RYR2: variants seen among roughly 807,000 people sequenced by gnomAD.
RYR2 encodes ryanodine receptor 2, also known as cardiac muscle ryanodine receptor-calcium release channel.
RYR2 carries 227 observed loss-of-function variants against 601.1 expected under a neutral mutation model. The ratio of observed to expected loss-of-function variants is 0.38; its 90% CI spans 0.34 to 0.42. The LOEUF is 0.42. Ranked by LOEUF, RYR2 falls within the 10% of genes least tolerant of loss-of-function variation. The probability of loss-of-function intolerance (pLI) is 1.00; values close to 1 mark genes in which losing one functional copy is unlikely to be tolerated. For missense variants in RYR2, 4,646 were observed against 6,156.5 expected (o/e 0.75, Z 8.21); for synonymous variants, 2,223 against 2,175.1 (o/e 1.02, Z -0.61).
In RYR2 at chr1:237,580,993, T is replaced by C. The variant is rs189518624; in HGVS notation, c.3599-8800T>C. 8.1e-4 allele frequency among the ~76,000 whole-genome samples: 124 copies of C among 152,358 alleles called. 1 individual carries two copies. Among genetic ancestry groups the C allele is most frequent in the African/African-American group, 7.7e-4 (32 of 41,586 alleles). On this transcript the variant is annotated intron_variant, in intron 29 of 104. Coordinates refer to ENST00000366574, the MANE Select transcript of RYR2 (RefSeq NM_001035.3). ...TCACTCAGTCTGTGATCATTTCTTA[T>C]GGCAGTCTGAGCTGACCAATACACC...
rs145313102 is a variant in RYR2, at chr1:237,458,495, C to A, written c.1612+1760C>A. Among the ~76,000 whole-genome samples, 86 of 152,234 alleles carry A rather than the reference C, an allele frequency of 5.6e-4. 1 individual carries two copies. Among genetic ancestry groups the A allele is most frequent in the African/African-American group, 2.0e-3 (83 of 41,564 alleles). ...AACTCTTAAGTATAATTGAACCTTC[C>A]TTCTCTGGTTTCTTGCCACTAAGTT... On this transcript the variant is annotated intron_variant, in intron 16 of 104. Transcript: ENST00000366574.
chr1:237,729,116 C>G (rs911939378), intron 76 of RYR2, among the ~76,000 whole-genome samples: 2 of 152,082 alleles, frequency 1.3e-5, no homozygotes, highest in Non-Finnish European at 2.9e-5. Context: ...TGCCTCATAT[C>G]AAGTTGATGG....
At chr1:237,787,966 T>TTTTG (rs748691296) in intron 91 of RYR2, 22 bp from the exon 92 acceptor site, 17 of 1,570,062 alleles carry the variant, frequency 1.1e-5, no homozygotes, top group Middle Eastern at 1.7e-4. Flanking sequence ...AGAGCTTATG[T>TTTTG]TTTGTTTGTT....
intron 77 of RYR2, among the ~76,000 whole-genome samples, chr1:237,731,628 A>G (rs1690686838): frequency 6.6e-6 from 1 of 152,302 alleles, no homozygotes; most frequent in South Asian, 2.1e-4. Context: ...GAAAATGCTT[A>G]TAAGAATGGC....
Position 237,700,385 on chromosome 1 carries a change from T to A in RYR2, c.9285T>A (p.Asn3095Lys). The A allele has an allele frequency of 6.2e-7, 1 of 1,608,484 alleles. No individual in the cohort carries two copies. Among genetic ancestry groups the A allele is most frequent in the Non-Finnish European group, 8.5e-7 (1 of 1,177,276 alleles). The change falls in exon 65 of 105, where the codon AAT (asparagine) becomes AAA (lysine). Residue 3095 changes from asparagine to lysine, a missense_variant. Coordinates refer to ENST00000366574, the MANE Select transcript of RYR2 (RefSeq NM_001035.3). Reference sequence around the variant, plus strand: ...CCAAAGGGGTTACTCAGATTATCAATTACACCACAGTGGCCCTGCTGCCAA... The same window carrying A: ...CCAAAGGGGTTACTCAGATTATCAAATACACCACAGTGGCCCTGCTGCCAA... ...NQPKGVTQII[N>K]YTTVALLPML... is the part of the protein sequence containing the mutation.
chr1:237,392,463 A>G (rs1702466399), intron 10 of RYR2, among the ~76,000 whole-genome samples: 1 of 151,424 alleles, frequency 6.6e-6, no homozygotes, highest in Non-Finnish European at 1.5e-5. Flanking sequence ...ACATACCCAC[A>G]AACATTAAAA....
intron 10 of RYR2, among the ~76,000 whole-genome samples, chr1:237,407,853 T>G (rs945242941): frequency 2.6e-5 from 4 of 152,084 alleles, no homozygotes; most frequent in Admixed American, 2.6e-4. Context: ...CCTGACCTCG[T>G]GATCCACCTG....
chr1:237,439,559 G>T (rs1037685569), intron 12 of RYR2, among the ~76,000 whole-genome samples: 5 of 152,012 alleles, frequency 3.3e-5, no homozygotes, highest in Admixed American at 3.3e-4. Flanking sequence ...CAGCAGAATT[G>T]CTTGGAACCA....
chr1:237,228,060 T>C (rs963037682), intron 1 of RYR2, among the ~76,000 whole-genome samples: 3 of 152,074 alleles, frequency 2.0e-5, no homozygotes, highest in Admixed American at 2.0e-4. Flanking sequence ...TGTGAGATTT[T>C]GGTACACCCA....
At chr1:237,713,728 G>T (rs1253961026) in intron 71 of RYR2, among the ~76,000 whole-genome samples, 1 of 152,110 alleles carries the variant, frequency 6.6e-6, no homozygotes, top group Non-Finnish European at 1.5e-5. Flanking sequence ...TATATAGATA[G>T]ATAGATAGGT....
At position 237,407,979 on chromosome 1, in the gene RYR2, C is replaced by T. The variant is rs116499000; in HGVS notation, c.774-9070C>T. 9.3e-3 allele frequency among the ~76,000 whole-genome samples: 1,413 copies of T among 152,084 alleles called. 25 individuals are homozygous for T. Among genetic ancestry groups the T allele is most frequent in the African/African-American group, 0.033 (1,353 of 41,472 alleles). On this transcript the variant is annotated intron_variant, in intron 10 of 104. Transcript: ENST00000366574. ...GGATGCCAGTCCTTTCCCAGATATG[C>T]GATTGCAAATATTGTCTTTCAGTCT... is the stretch of plus-strand genomic sequence containing the variant.
At chr1:237,698,136 G>C (rs1322633011) in intron 63 of RYR2, among the ~76,000 whole-genome samples, 3 of 151,542 alleles carry the variant, frequency 2.0e-5, no homozygotes, top group Non-Finnish European at 4.4e-5. Context: ...GTGTGTGTGT[G>C]TGTGTGTGTG....
intron 12 of RYR2, among the ~76,000 whole-genome samples, chr1:237,431,723 A>G (rs1364679157): frequency 6.6e-6 from 1 of 152,106 alleles, no homozygotes; most frequent in Non-Finnish European, 1.5e-5. Flanking sequence ...AGTGTTTGGT[A>G]CTGGAGGCTC....
At chr1:237,627,697 TG>T in intron 40 of RYR2, 109 bp from the exon 41 acceptor site, 4 of 1,140,152 alleles carry the variant, frequency 3.5e-6, no homozygotes, top group Non-Finnish European at 4.8e-6. Flanking sequence ...TTTTCAAGCC[TG>T]GTACAAATAG....
intron 1 of RYR2, among the ~76,000 whole-genome samples, chr1:237,202,686 G>A (rs933230849): frequency 3.9e-5 from 6 of 152,200 alleles, no homozygotes; most frequent in South Asian, 2.1e-4. Flanking sequence ...GGGATTACAG[G>A]TGTGAGCCAC....
At chr1:237,697,377 A>G (rs1181052410) in intron 63 of RYR2, among the ~76,000 whole-genome samples, 1 of 142,326 alleles carries the variant, frequency 7.0e-6, no homozygotes, top group Non-Finnish European at 1.5e-5. Context: ...TATAATATAT[A>G]ATTGCATATT....
intron 20 of RYR2, among the ~76,000 whole-genome samples, chr1:237,499,441 A>G (rs976126187): frequency 3.9e-5 from 6 of 152,352 alleles, no homozygotes; most frequent in South Asian, 4.1e-4. Flanking sequence ...CTATAAAGCT[A>G]TCGTATCCCT....
chr1:237,817,629 C>T (rs1156931261), intron 100 of RYR2, among the ~76,000 whole-genome samples: 18 of 152,172 alleles, frequency 1.2e-4, no homozygotes. Flanking sequence ...AGAGATGATA[C>T]TTAAAGCCAT....
At chr1:237,416,304 A>G (rs1704974770) in intron 10 of RYR2, among the ~76,000 whole-genome samples, 1 of 152,220 alleles carries the variant, frequency 6.6e-6, no homozygotes, top group African/African-American at 2.4e-5. Flanking sequence ...AGAGGAAGAC[A>G]GTTAACACTC....
Sources: gnomAD v4.1 joint callset for allele counts (sites outside exome capture counted in the v4.1 genomes callset) on GRCh38, gnomAD v4.1.1 for gene constraint, MANE v1.5 for transcripts, NCBI Gene and HGNC (gene_info 2026-07-23, HGNC 2026-07-21) for gene names.